Variants in NCKAP5L observed in about 807,000 individuals in gnomAD.
NCKAP5L encodes the protein NCK associated protein 5 like, also known as nck-associated protein 5-like.
Under a neutral mutation model 103.2 loss-of-function variants are expected in NCKAP5L, and 54 were observed. That is an observed-to-expected ratio of 0.52 (90% CI 0.42 to 0.66). The LOEUF (loss-of-function observed/expected upper bound fraction) is 0.66. Ranked by LOEUF, NCKAP5L falls within the 30% of genes least tolerant of loss-of-function variation. The probability of loss-of-function intolerance (pLI) is 0.00; values close to 1 mark genes in which losing one functional copy is unlikely to be tolerated. For synonymous variants in NCKAP5L, 762 were observed against 748.6 expected (o/e 1.02, Z -0.29); for missense variants, 1,733 against 1,750.6 (o/e 0.99, Z 0.18).
At position 49,797,622 on chromosome 12, in the gene NCKAP5L, G is replaced by T. The variant is rs1215201193; in HGVS notation, c.466-228C>A. 6.6e-6 allele frequency among the ~76,000 whole-genome samples: 1 copy of T among 152,158 alleles called. No individual in the cohort carries two copies. The highest frequency in any genetic ancestry group is 1.9e-4 in the East Asian group (1 of 5,196). On this transcript the variant is annotated intron_variant, in intron 7 of 12. Transcript: ENST00000335999. The surrounding 1 kb of genome is among the most constrained non-coding windows in gnomAD (Gnocchi z 4.5). ...CTTCTTCCTGGCACACTTGGGGTTG[G>T]GCAGGCACCCTACATCCTTTTCTTG...
chr12:49,810,953 GA>G (rs1946233376), intron 1 of NCKAP5L, among the ~76,000 whole-genome samples: 2 of 152,138 alleles, frequency 1.3e-5, no homozygotes, highest in South Asian at 4.2e-4. Flanking sequence ...CTGTCCAGTA[GA>G]ACTTTCTGTA....
At chr12:49,803,265 T>TATAGTTAGCACCCCTGTA in intron 3 of NCKAP5L, 100 bp from the exon 4 acceptor site, 1 of 1,141,750 alleles carries the variant, frequency 8.8e-7, no homozygotes, top group Non-Finnish European at 1.3e-6. Context: ...ACTACAGGGG[T>TATAGTTAGCACCCCTGTA]GCTAACTATA....
intron 1 of NCKAP5L, among the ~76,000 whole-genome samples, chr12:49,812,818 C>T (rs1946255384): frequency 1.3e-5 from 2 of 152,144 alleles, no homozygotes; most frequent in African/African-American, 2.4e-5. Flanking sequence ...ATGTAGTTAT[C>T]CCTTGGCATC....
Position 49,792,801 on chromosome 12 carries a change from G to T in NCKAP5L, c.3526C>A (p.Leu1176Met), listed in dbSNP as rs369557855. The T allele has an allele frequency of 3.4e-5, 54 of 1,601,380 alleles. No individual in the cohort carries two copies. Among genetic ancestry groups the T allele is most frequent in the Non-Finnish European group, 4.0e-5 (47 of 1,176,172 alleles). ...LTKVPRRAHT[L>M]EREVPGIEEL... ...TCTATGCCTGGCACCTCCCGCTCCA[G>T]TGTGTGGGCGCGGCGGGGGACTTTG... Residue 1176 changes from leucine (L) to methionine (M), a missense_variant, in exon 11 of 13, where the codon CTG becomes ATG. Coordinates refer to ENST00000335999, the MANE Select transcript of NCKAP5L (RefSeq NM_001037806.4). This position sits in a 1 kb window ranked among gnomAD's most constrained non-coding sequence, Gnocchi z 4.5.
At position 49,799,202 on chromosome 12, in the gene NCKAP5L, C is replaced by T. The variant is rs772480227; in HGVS notation, c.352-739G>A. 2.6e-5 allele frequency among the ~76,000 whole-genome samples: 4 copies of T among 152,188 alleles called. No homozygotes were observed. In the South Asian group the frequency reaches 6.2e-4, roughly 24 times the overall value. On this transcript the variant is annotated intron_variant, in intron 6 of 12. Coordinates refer to ENST00000335999, the MANE Select transcript of NCKAP5L (RefSeq NM_001037806.4). ...GCCTCTGGCCTGCACTACTCAGCAT[C>T]TCATTCAGTCTCCTTGACCTGGTTT...
chr12:49,814,494 A>G (rs1273674500), intron 1 of NCKAP5L, among the ~76,000 whole-genome samples: 4 of 151,356 alleles, frequency 2.6e-5, no homozygotes, highest in Non-Finnish European at 2.9e-5. Flanking sequence ...AAAAAAAAAA[A>G]AAAAAGAAAA....
intron 1 of NCKAP5L, among the ~76,000 whole-genome samples, chr12:49,809,943 C>G (rs1423253647): frequency 6.6e-6 from 1 of 152,044 alleles, no homozygotes; most frequent in African/African-American, 2.4e-5. Context: ...CCCCCTACAT[C>G]CCCCCAACTT....
Position 49,792,293 on chromosome 12 carries a change from C to T in NCKAP5L, c.3792+153G>A. 6.8e-7 allele frequency: 1 copy of T among 1,461,374 alleles called. No individual in the cohort carries two copies. The highest frequency in any genetic ancestry group is 9.3e-7 in the Non-Finnish European group (1 of 1,076,008). 90.5% of individuals were successfully genotyped at this position (1,461,374 alleles called of 1,614,324 possible). ...AGTGCAAGGAGGGCAGTGGGGAGGGCCGCTCACAGGGCATCCCAGGGGTCC... is the reference window on the plus strand; with the variant it reads ...AGTGCAAGGAGGGCAGTGGGGAGGGTCGCTCACAGGGCATCCCAGGGGTCC... On this transcript the variant is annotated intron_variant, in intron 12 of 12. Coordinates refer to ENST00000335999, the MANE Select transcript of NCKAP5L (RefSeq NM_001037806.4). The surrounding 1 kb of genome is among the most constrained non-coding windows in gnomAD (Gnocchi z 4.5).
chr12:49,802,665 T>C, intron 5 of NCKAP5L: 1 of 465,444 alleles, frequency 2.1e-6, no homozygotes. Context: ...AATATTCAGA[T>C]GCCATTTAGG....
chr12:49,827,898 T>TC lies in NCKAP5L; in HGVS notation c.-99+423dup, dbSNP rs373973804. On this transcript the variant is annotated intron_variant, in intron 1 of 12. Coordinates refer to ENST00000335999, the MANE Select transcript of NCKAP5L (RefSeq NM_001037806.4). ...GCCTGCGCTTTGGGGAGAGAGCCCC[T>TC]CCCCCCGCAATAACCCGGCACCGCT... Among the ~76,000 whole-genome samples, 1,120 of 151,862 alleles carry TC rather than the reference T, an allele frequency of 7.4e-3. 16 individuals are homozygous for TC. Among genetic ancestry groups the TC allele is most frequent in the African/African-American group, 0.025 (1,042 of 41,398 alleles).
rs753818849 is a variant in NCKAP5L at position 49,792,500 on chromosome 12, C to A, written c.3738G>T (p.Ser1246=). ...GTCGGGGTGGGCACATGAGAGGGTCCGAGGAGCTGCCGGCTGCCCTAGTAT... is the reference window on the plus strand; with the variant it reads ...GTCGGGGTGGGCACATGAGAGGGTCAGAGGAGCTGCCGGCTGCCCTAGTAT... ...FPNTRAAGSS[S]DPLMCPPRQL... Residue 1246 remains serine, a synonymous_variant, in exon 12 of 13, where the codon TCG becomes TCT. Coordinates refer to ENST00000335999, the MANE Select transcript of NCKAP5L (RefSeq NM_001037806.4). The surrounding 1 kb of genome is among the most constrained non-coding windows in gnomAD (Gnocchi z 4.5). 6.2e-7 allele frequency: 1 copy of A among 1,613,188 alleles called. No homozygotes were observed. The highest frequency in any genetic ancestry group is 1.3e-5 in the African/African-American group (1 of 74,890).
chr12:49,796,553 A>G lies in NCKAP5L; in HGVS notation c.1307T>C (p.Ile436Thr). ...SSSQVKSKLQ[I>T]GPPSPGEAQG... is the part of the protein sequence containing the mutation. ...AGCTTCCCCAGGAGAAGGGGGGCCAATTTGGAGCTTGCTTTTCACCTGAGA... is the reference window on the plus strand; with the variant it reads ...AGCTTCCCCAGGAGAAGGGGGGCCAGTTTGGAGCTTGCTTTTCACCTGAGA... The change falls in exon 8 of 13, where the codon ATT becomes ACT. Residue 436 changes from isoleucine (I) to threonine (T), a missense_variant. Transcript: ENST00000335999. 1 of 1,596,264 alleles carries G rather than the reference A, an allele frequency of 6.3e-7. No individual in the cohort carries two copies. The highest frequency in any genetic ancestry group is 8.5e-7 in the Non-Finnish European group (1 of 1,172,330).
At chr12:49,805,650 G>GCCA (rs2080451856) in intron 2 of NCKAP5L, 2 of 152,184 alleles carry the variant, frequency 1.3e-5, no homozygotes, top group South Asian at 4.1e-4. Context: ...AAGGTGGGAG[G>GCCA]ATGGCTTACG....
At chr12:49,804,367 T>A (rs1232538498) in intron 2 of NCKAP5L, 1 of 202,164 alleles carries the variant, frequency 4.9e-6, no homozygotes, top group Non-Finnish European at 9.9e-6. Flanking sequence ...TGGGTCTCAG[T>A]CCCTCTATTT....
intron 1 of NCKAP5L, among the ~76,000 whole-genome samples, chr12:49,817,548 A>C (rs1375353117): frequency 1.3e-5 from 2 of 152,170 alleles, no homozygotes; most frequent in Admixed American, 1.3e-4. Context: ...TGGAGGCATT[A>C]CACTAACTGA....
chr12:49,812,852 C>G (rs929864046), intron 1 of NCKAP5L, among the ~76,000 whole-genome samples: 5 of 152,146 alleles, frequency 3.3e-5, no homozygotes, highest in African/African-American at 1.2e-4. Flanking sequence ...ATCTAGGTCC[C>G]TTGCAAAAAC....
At position 49,803,907 on chromosome 12, in the gene NCKAP5L, C is replaced by T. The variant is rs556286715; in HGVS notation, c.123+15G>A. Reference sequence around the variant, plus strand: ...CTGGCTGGCACTGCTGCCCCTACCACGCCCCATGCCGCACCTCCAGCTCCC... The same window carrying T: ...CTGGCTGGCACTGCTGCCCCTACCATGCCCCATGCCGCACCTCCAGCTCCC... On this transcript the variant is annotated intron_variant, in intron 3 of 12. Transcript: ENST00000335999. 54 of 1,602,930 alleles carry T rather than the reference C, an allele frequency of 3.4e-5. No homozygotes were observed. Among genetic ancestry groups the T allele is most frequent in the South Asian group, 1.8e-4 (16 of 90,962 alleles).
intron 2 of NCKAP5L, chr12:49,804,851 T>C (rs913705868): frequency 2.6e-5 from 4 of 152,306 alleles, no homozygotes; most frequent in South Asian, 2.1e-4. Context: ...GAGAATACAG[T>C]TGAGCCTGGG....
At chr12:49,800,416 T>C (rs1186900306) in intron 6 of NCKAP5L, among the ~76,000 whole-genome samples, 1 of 152,190 alleles carries the variant, frequency 6.6e-6, no homozygotes, top group Non-Finnish European at 1.5e-5. Context: ...TGTGATGCAG[T>C]CCAATTCCAT....
Sources: allele counts gnomAD v4.1 joint callset (sites outside exome capture counted in the v4.1 genomes callset), GRCh38; gene constraint gnomAD v4.1.1; non-coding constraint Gnocchi (gnomAD v3.1); transcripts MANE v1.5; gene names NCBI Gene and HGNC (gene_info 2026-07-23, HGNC 2026-07-21).